GPS1: variants seen among roughly 807,000 people sequenced by gnomAD.
GPS1 encodes the protein G protein pathway suppressor 1.
A neutral mutation model predicts 60.0 loss-of-function variants in GPS1; 11 were observed. The ratio of observed to expected loss-of-function variants is 0.18; its 90% CI spans 0.12 to 0.30. The LOEUF is 0.30. GPS1 is among the 10% of genes least tolerant of loss of function. The pLI, the probability that GPS1 is intolerant of heterozygous loss-of-function variation, is 1.00. For missense variants in GPS1, 543 were observed against 669.2 expected (o/e 0.81, Z 2.08); for synonymous variants, 343 against 269.8 (o/e 1.27, Z -2.66).
In GPS1 at chr17:82,051,949, G is replaced by C; in HGVS notation, c.18G>C (p.Gln6His). 8.6e-7 allele frequency: 1 copy of C among 1,166,768 alleles called. No individual in the cohort carries two copies. The highest frequency in any genetic ancestry group is 1.1e-6 in the Non-Finnish European group (1 of 944,876). 72.3% of individuals were successfully genotyped at this position (1,166,768 alleles called of 1,614,324 possible). The change falls in exon 1 of 13, where the codon CAG becomes CAC. Residue 6 changes from glutamine to histidine, a missense_variant. Transcript: ENST00000578552. The surrounding 1 kb of genome is among the most constrained non-coding windows in gnomAD (Gnocchi z 4.1). Reference sequence around the variant, plus strand: ...GGTGCAAGATGCCGCTGCCGGTTCAGGTGTTTAACTTGCAGGTAACGAGCC... The same window carrying C: ...GGTGCAAGATGCCGCTGCCGGTTCACGTGTTTAACTTGCAGGTAACGAGCC... MPLPV[Q>H]VFNLQGAVEP...
At chr17:82,051,661 C>A, upstream of GPS1, 1 of 1,003,196 alleles carries the variant, frequency 1.0e-6, no homozygotes, top group Non-Finnish European at 1.2e-6. The surrounding 1 kb of genome is among the most constrained non-coding windows in gnomAD (Gnocchi z 4.1). Context: ...GGGGTCCGGG[C>A]CGGGGCGGGC....
rs1232889161 is a variant in GPS1, at chr17:82,057,439, G to C, written c.*312G>C. The C allele has an allele frequency of 1.1e-5, 6 of 569,546 alleles. No homozygotes were observed. The highest frequency in any genetic ancestry group is 2.0e-5 in the Non-Finnish European group (6 of 298,240). The allele number at this position is 569,546 out of a possible 1,614,324, so 35.3% of individuals were successfully genotyped here. ...CGCCTCAGTCAGGTGCAGACAAGTG[G>C]GCGGTGTCCATTAAAGAGCAGACTC... On this transcript the variant is annotated 3_prime_UTR_variant, in exon 13 of 13. Coordinates refer to ENST00000578552, the MANE Select transcript of GPS1 (RefSeq NM_001321092.3).
chr17:82,056,385 G>A lies in GPS1; in HGVS notation c.1029G>A (p.Glu343=), dbSNP rs149626394. Reference sequence around the variant, plus strand: ...CCTCATGTCTCAAGATGCTGGACGAGATGAAGGTGGGCCCCGCCTGGGGTA... The same window carrying A: ...CCTCATGTCTCAAGATGCTGGACGAAATGAAGGTGGGCCCCGCCTGGGGTA... ...KYASCLKMLD[E]MKDNLLLDMY... The change falls in exon 9 of 13, where the codon GAG becomes GAA. Residue 343 remains glutamate (E), a synonymous_variant. Transcript: ENST00000578552. 71 of 1,611,826 alleles carry A rather than the reference G, an allele frequency of 4.4e-5. No homozygotes were observed. The African/African-American group carries it at 8.5e-4, about 19-fold the overall frequency.
At chr17:82,051,864 C>A, upstream of GPS1, 1 of 1,155,152 alleles carries the variant, frequency 8.7e-7, no homozygotes. The surrounding 1 kb of genome is among the most constrained non-coding windows in gnomAD (Gnocchi z 4.1). Flanking sequence ...CGCCCCGCCC[C>A]GCGCCCCGGA....
intron 1 of GPS1, chr17:82,052,583 G>T (rs1402269852): frequency 1.6e-6 from 2 of 1,215,328 alleles, no homozygotes; most frequent in East Asian, 5.1e-5. Context: ...AAGCGCAGGA[G>T]GGGAGGGAGC....
Position 82,056,956 on chromosome 17 carries a change from C to T in GPS1, c.1371C>T (p.Arg457=), listed in dbSNP as rs1304548697. 4 of 1,612,758 alleles carry T rather than the reference C, an allele frequency of 2.5e-6. No homozygotes were observed. The East Asian group carries it at 6.7e-5, about 27-fold the overall frequency. The stretch of plus-strand genomic sequence containing the variant: ...TGATGCTGCGGGCAGCTGTGCTCCG[C>T]AACCAGATCCATGTCAAGGTGGGCT... The part of the protein sequence containing the change: ...KAMMLRAAVL[R]NQIHVKSPPR... Residue 457 remains arginine (R), a synonymous_variant, in exon 12 of 13, where the codon CGC becomes CGT. Transcript: ENST00000578552.
chr17:82,055,262 C>A, intron 6 of GPS1, 40 bp downstream of exon 6: 1 of 1,546,490 alleles, frequency 6.5e-7, no homozygotes, highest in Non-Finnish European at 8.7e-7. Context: ...CCACGTTCCC[C>A]TGTTGCTAAG....
At position 82,054,702 on chromosome 17, in the gene GPS1, C is replaced by A; in HGVS notation, c.501C>A (p.His167Gln). ...IRRGHDDLGD[H>Q]YLDCGDLSNA... ...GCGGCCACGACGACCTGGGCGACCACTACCTGGACTGTGGGGACCTCAGCA... is the reference window on the plus strand; with the variant it reads ...GCGGCCACGACGACCTGGGCGACCAATACCTGGACTGTGGGGACCTCAGCA... Residue 167 changes from histidine to glutamine, a missense_variant, in exon 4 of 13, where the codon CAC becomes CAA. Around this residue, in one of 3 missense-constraint regions of GPS1, gnomAD observed 71 missense variants for 126.7 expected, o/e 0.56. Coordinates refer to ENST00000578552, the MANE Select transcript of GPS1 (RefSeq NM_001321092.3). The A allele has an allele frequency of 6.2e-7, 1 of 1,612,276 alleles. No homozygotes were observed. The highest frequency in any genetic ancestry group is 8.5e-7 in the Non-Finnish European group (1 of 1,179,960).
chr17:82,056,787 G>A lies in GPS1; in HGVS notation c.1254+21G>A, dbSNP rs565858781. The A allele has an allele frequency of 1.0e-5, 16 of 1,603,942 alleles. No homozygotes were observed. In the East Asian group the frequency reaches 1.8e-4, roughly 18 times the overall value. ...GCAAGGTGGCTGTGGGCTGCGGGGCGGTGGGGGCAGCTGGGGGTGAGCCTG... is the reference window on the plus strand; with the variant it reads ...GCAAGGTGGCTGTGGGCTGCGGGGCAGTGGGGGCAGCTGGGGGTGAGCCTG... On this transcript the variant is annotated intron_variant, in intron 11 of 12. Coordinates refer to ENST00000578552, the MANE Select transcript of GPS1 (RefSeq NM_001321092.3).
chr17:82,056,352 C>G lies in GPS1; in HGVS notation c.996C>G (p.Ser332=). ...VRDIIFKFYE[S]KYASCLKMLD... is the part of the protein sequence containing the mutation. The stretch of plus-strand genomic sequence containing the variant: ...ACATCATCTTCAAATTCTACGAGTC[C>G]AAGTACGCCTCATGTCTCAAGATGC... Residue 332 remains serine, a synonymous_variant, in exon 9 of 13, where the codon TCC becomes TCG. Transcript: ENST00000578552. 6.2e-7 allele frequency: 1 copy of G among 1,613,366 alleles called. No individual in the cohort carries two copies. Among genetic ancestry groups the G allele is most frequent in the South Asian group, 1.1e-5 (1 of 91,086 alleles).
intron 1 of GPS1, chr17:82,052,809 C>T (rs922466372): frequency 5.8e-6 from 2 of 346,762 alleles, no homozygotes; most frequent in Admixed American, 4.0e-5. Context: ...CGTGGCGTGA[C>T]TCTCAGCCCA....
At chr17:82,051,079 G>C (rs892392236), upstream of GPS1, 18 of 1,370,524 alleles carry the variant, frequency 1.3e-5, no homozygotes, top group Admixed American at 3.4e-5. This position sits in a 1 kb window ranked among gnomAD's most constrained non-coding sequence, Gnocchi z 4.1. Flanking sequence ...CCACGCCCCG[G>C]GAAGCGGCTA....
At chr17:82,051,758 G>A, upstream of GPS1, 1 of 1,090,042 alleles carries the variant, frequency 9.2e-7, no homozygotes, top group East Asian at 5.7e-5. The surrounding 1 kb of genome is among the most constrained non-coding windows in gnomAD (Gnocchi z 4.1). Context: ...CCCCACGCGC[G>A]CGGCTCATGC....
chr17:82,053,288 C>T lies in GPS1; in HGVS notation c.48C>T (p.Pro16=). The T allele has an allele frequency of 6.5e-7, 1 of 1,547,348 alleles. No homozygotes were observed. The part of the protein sequence containing the change: ...QVFNLQGAVE[P]MQIDVDPQED... Reference sequence around the variant, plus strand: ...CCATGTTGCAGGGGGCCGTGGAGCCCATGCAGATCGACGTGGACCCCCAGG... The same window carrying T: ...CCATGTTGCAGGGGGCCGTGGAGCCTATGCAGATCGACGTGGACCCCCAGG... The change falls in exon 2 of 13, where the codon CCC becomes CCT. Residue 16 remains proline, a synonymous_variant. Coordinates refer to ENST00000578552, the MANE Select transcript of GPS1 (RefSeq NM_001321092.3).
In GPS1 at chr17:82,055,164, G is replaced by A; in HGVS notation, c.690G>A (p.Gln230=). 1 of 1,563,906 alleles carries A rather than the reference G, an allele frequency of 6.4e-7. No homozygotes were observed. The highest frequency in any genetic ancestry group is 8.7e-7 in the Non-Finnish European group (1 of 1,154,410). Residue 230 remains glutamine (Q), a splice_region_variant and synonymous_variant, in exon 6 of 13, where the codon CAG becomes CAA. Coordinates refer to ENST00000578552, the MANE Select transcript of GPS1 (RefSeq NM_001321092.3). ...KAESTPEIAE[Q]RGERDSQTQA... The stretch of plus-strand genomic sequence containing the variant: ...ACGCATGTGGCTTCCTCCTACAGCA[G>A]CGAGGAGAGCGTGACAGCCAGACCC...
Position 82,056,771 on chromosome 17 carries a change from C to G in GPS1, c.1254+5C>G. 1 of 1,596,602 alleles carries G rather than the reference C, an allele frequency of 6.3e-7. No homozygotes were observed. Among genetic ancestry groups the G allele is most frequent in the Middle Eastern group, 1.7e-4 (1 of 5,986 alleles). On this transcript the variant is annotated splice_donor_5th_base_variant and intron_variant, in intron 11 of 12. Transcript: ENST00000578552. Reference sequence around the variant, plus strand: ...CGTGTGGACTCACACAGCAAGGTGGCTGTGGGCTGCGGGGCGGTGGGGGCA... The same window carrying G: ...CGTGTGGACTCACACAGCAAGGTGGGTGTGGGCTGCGGGGCGGTGGGGGCA...
chr17:82,054,448 T>C (rs1465753515), intron 3 of GPS1, 62 bp from the exon 4 acceptor site: 4 of 1,439,484 alleles, frequency 2.8e-6, no homozygotes, highest in African/African-American at 1.4e-5. Flanking sequence ...GATTGGCGGC[T>C]TCCTCCCCTC....
At position 82,056,739 on chromosome 17, in the gene GPS1, C is replaced by T. The variant is rs1451513895; in HGVS notation, c.1227C>T (p.Ile409=). 2 of 1,587,328 alleles carry T rather than the reference C, an allele frequency of 1.3e-6. No homozygotes were observed. The highest frequency in any genetic ancestry group is 1.7e-6 in the Non-Finnish European group (2 of 1,165,880). Residue 409 remains isoleucine (I), a synonymous_variant, in exon 11 of 13, where the codon ATC becomes ATT. Transcript: ENST00000578552. ...CGCAGCTAATCCTGGAGGGGCTGAT[C>T]AGTGCCCGTGTGGACTCACACAGCA... ...ELTQLILEGL[I]SARVDSHSKI...
At chr17:82,051,411 G>T, upstream of GPS1, 1 of 1,395,242 alleles carries the variant, frequency 7.2e-7, no homozygotes, top group Non-Finnish European at 9.3e-7. The surrounding 1 kb of genome is among the most constrained non-coding windows in gnomAD (Gnocchi z 4.1). Context: ...GCCCCGCGCG[G>T]AGCCTCCGGG....
Sources: gnomAD v4.1 joint callset for allele counts on GRCh38, gnomAD v4.1.1 for gene constraint, gnomAD v4.1.1 regional missense constraint, Gnocchi (gnomAD v3.1) non-coding constraint, MANE v1.5 for transcripts, NCBI Gene and HGNC (gene_info 2026-07-23, HGNC 2026-07-21) for gene names.